KIRREL3: variants seen among roughly 807,000 people sequenced by gnomAD.
KIRREL3 encodes kirre like nephrin family adhesion molecule 3, also known as kin of IRRE-like protein 3.
KIRREL3 carries 36 observed loss-of-function variants against 89.7 expected under a neutral mutation model. The observed-to-expected ratio is 0.40, with a 90% confidence interval of 0.31 to 0.53. The LOEUF (loss-of-function observed/expected upper bound fraction) is 0.53. KIRREL3 is among the 20% of genes least tolerant of loss of function. The pLI is 0.49. For synonymous variants in KIRREL3, 445 were observed against 441.4 expected (o/e 1.01, Z -0.10); for missense variants, 864 against 1,056.6 (o/e 0.82, Z 2.53).
chr11:126,619,051 A>G (rs1345036242), intron 1 of KIRREL3, among the ~76,000 whole-genome samples: 1 of 152,240 alleles, frequency 6.6e-6, no homozygotes, highest in Admixed American at 6.5e-5. Flanking sequence ...AGTAAATAAC[A>G]AAGAGTTTCA....
At chr11:126,629,563 T>G (rs1422058774) in intron 1 of KIRREL3, among the ~76,000 whole-genome samples, 1 of 152,194 alleles carries the variant, frequency 6.6e-6, no homozygotes, top group Non-Finnish European at 1.5e-5. Context: ...TTCCACGTGC[T>G]CCTCCAGATC....
intron 7 of KIRREL3, among the ~76,000 whole-genome samples, chr11:126,453,219 C>T (rs937859227): frequency 6.6e-6 from 1 of 152,098 alleles, no homozygotes; most frequent in African/African-American, 2.4e-5. Context: ...GTCACAGCCG[C>T]CAGGTTGTCC....
rs1386312777 is a variant in KIRREL3 at position 126,576,464 on chromosome 11, C to T, written c.56-13552G>A. Among the ~76,000 whole-genome samples, 1 of 152,150 alleles carries T rather than the reference C, an allele frequency of 6.6e-6. No homozygotes were observed. Among genetic ancestry groups the T allele is most frequent in the Non-Finnish European group, 1.5e-5 (1 of 68,008 alleles). On this transcript the variant is annotated intron_variant, in intron 1 of 16. Coordinates refer to ENST00000525144, the MANE Select transcript of KIRREL3 (RefSeq NM_032531.4). This position sits in a 1 kb window ranked among gnomAD's most constrained non-coding sequence, Gnocchi z 5.4. Reference sequence around the variant, plus strand: ...AAGACAGAGAAGAATTTTTGCCTTCCCAAGCTTCCATTTTAGACAGCTTCT... The same window carrying T: ...AAGACAGAGAAGAATTTTTGCCTTCTCAAGCTTCCATTTTAGACAGCTTCT...
At chr11:126,572,817 A>G (rs531269428) in intron 1 of KIRREL3, among the ~76,000 whole-genome samples, 3 of 152,256 alleles carry the variant, frequency 2.0e-5, no homozygotes, top group Non-Finnish European at 1.5e-5. Flanking sequence ...TCACCTATTT[A>G]TGGCCCACAT....
intron 1 of KIRREL3, among the ~76,000 whole-genome samples, chr11:126,874,046 A>T (rs1347586594): frequency 1.3e-5 from 2 of 152,172 alleles, no homozygotes; most frequent in African/African-American, 4.8e-5. Context: ...TCCTGTGCAG[A>T]TCTGATGTAC....
chr11:126,526,366 A>G lies in KIRREL3; in HGVS notation c.283+172T>C, dbSNP rs1246915191. 2.0e-5 allele frequency among the ~76,000 whole-genome samples: 3 copies of G among 152,212 alleles called. No individual in the cohort carries two copies. Among genetic ancestry groups the G allele is most frequent in the African/African-American group, 7.2e-5 (3 of 41,446 alleles). On this transcript the variant is annotated intron_variant, in intron 3 of 16. Transcript: ENST00000525144. The surrounding 1 kb of genome is among the most constrained non-coding windows in gnomAD (Gnocchi z 5.7). ...TGCACATCAGGGGCCCTCAGAGTCT[A>G]GGGATGCTGGGTGCAGTGCTTGCCT...
intron 1 of KIRREL3, among the ~76,000 whole-genome samples, chr11:126,644,114 A>T (rs995564112): frequency 1.3e-5 from 2 of 152,148 alleles, no homozygotes; most frequent in South Asian, 2.1e-4. Context: ...GTGGGAAAGG[A>T]TGTCATTGAA....
chr11:126,522,881 C>G lies in KIRREL3; in HGVS notation c.284-1417G>C, dbSNP rs1030844807. Among the ~76,000 whole-genome samples the G allele has an allele frequency of 6.6e-6, 1 of 152,226 alleles. No homozygotes were observed. The highest frequency in any genetic ancestry group is 1.5e-5 in the Non-Finnish European group (1 of 68,038). On this transcript the variant is annotated intron_variant, in intron 3 of 16. Transcript: ENST00000525144. The surrounding 1 kb of genome is among the most constrained non-coding windows in gnomAD (Gnocchi z 6.0). ...CAGGCTGCTCCTCCTTTTGAAGGAC[C>G]CTCACCACACAGGGAGTGTTCTCAG...
At chr11:126,945,432 C>T (rs557017333) in intron 1 of KIRREL3, among the ~76,000 whole-genome samples, 14 of 152,300 alleles carry the variant, frequency 9.2e-5, no homozygotes, top group African/African-American at 3.1e-4. Flanking sequence ...AAAGAGAAAT[C>T]ATTCTCTCCC....
rs1352430270 is a variant in KIRREL3, at chr11:126,976,022, C to T, written c.55+24433G>A. On this transcript the variant is annotated intron_variant, in intron 1 of 16. Transcript: ENST00000525144. The surrounding 1 kb of genome is among the most constrained non-coding windows in gnomAD (Gnocchi z 4.2). The stretch of plus-strand genomic sequence containing the variant: ...AATGGCTAAGGTGTGGCTCTCAGGA[C>T]AGAGCATACCCATTCCAGATGTGGG... Among the ~76,000 whole-genome samples, 1 of 150,838 alleles carries T rather than the reference C, an allele frequency of 6.6e-6. No homozygotes were observed. Among genetic ancestry groups the T allele is most frequent in the African/African-American group, 2.4e-5 (1 of 40,858 alleles).
Position 126,622,519 on chromosome 11 carries a change from T to C in KIRREL3, c.56-59607A>G, listed in dbSNP as rs182027906. Reference sequence around the variant, plus strand: ...TCTTATCAGGGCCCCAGCAAATAACTCAGCACCTTCATTACAAAAGTTAGC... The same window carrying C: ...TCTTATCAGGGCCCCAGCAAATAACCCAGCACCTTCATTACAAAAGTTAGC... On this transcript the variant is annotated intron_variant, in intron 1 of 16. Transcript: ENST00000525144. This position sits in a 1 kb window ranked among gnomAD's most constrained non-coding sequence, Gnocchi z 5.2. Among the ~76,000 whole-genome samples the C allele has an allele frequency of 4.0e-4, 61 of 152,194 alleles. No individual in the cohort carries two copies. In the East Asian group the frequency reaches 0.011, roughly 27 times the overall value.
chr11:126,552,550 G>GTT (rs59392843), intron 2 of KIRREL3, among the ~76,000 whole-genome samples: 5,691 of 81,340 alleles, frequency 0.07, 1,245 homozygotes, highest in Non-Finnish European at 0.091. Flanking sequence ...AGAGAGAAAA[G>GTT]TTTTTTTTTT....
intron 1 of KIRREL3, among the ~76,000 whole-genome samples, chr11:126,854,419 A>G (rs982264734): frequency 1.1e-4 from 16 of 152,082 alleles, no homozygotes; most frequent in African/African-American, 2.7e-4. Flanking sequence ...ACCACCTTCT[A>G]CTTTGTCTCT....
intron 1 of KIRREL3, among the ~76,000 whole-genome samples, chr11:126,581,350 C>T (rs1418309896): frequency 6.6e-6 from 1 of 151,944 alleles, no homozygotes; most frequent in East Asian, 1.9e-4. Flanking sequence ...TTACAGGCAC[C>T]CGCCATCATG....
intron 1 of KIRREL3, among the ~76,000 whole-genome samples, chr11:126,822,730 G>A (rs1416388573): frequency 6.6e-6 from 1 of 152,142 alleles, no homozygotes; most frequent in Non-Finnish European, 1.5e-5. Flanking sequence ...TGAGCAGGAG[G>A]GAGGATGAGG....
Position 126,999,758 on chromosome 11 carries a change from CACCTGCTTCTCTG to C in KIRREL3, c.55+684_55+696del, listed in dbSNP as rs1380254342. ...GTGGCAAAGTTCTTTCCGGAGAGTC[CACCTGCTTCTCTG>C]CCCCTGCTAGGCTGCAGAAAGGAAA... On this transcript the variant is annotated intron_variant, in intron 1 of 16. Transcript: ENST00000525144. The surrounding 1 kb of genome is among the most constrained non-coding windows in gnomAD (Gnocchi z 5.7). Among the ~76,000 whole-genome samples the C allele has an allele frequency of 2.6e-5, 4 of 152,294 alleles. No homozygotes were observed. Among genetic ancestry groups the C allele is most frequent in the South Asian group, 2.1e-4 (1 of 4,816 alleles).
rs1948745056 is a variant in KIRREL3, at chr11:126,734,730, GT to G, written c.56-171819del. 6.6e-6 allele frequency among the ~76,000 whole-genome samples: 1 copy of G among 152,210 alleles called. No individual in the cohort carries two copies. Among genetic ancestry groups the G allele is most frequent in the African/African-American group, 2.4e-5 (1 of 41,456 alleles). The stretch of plus-strand genomic sequence containing the variant: ...TACAGAAAGTGATAAAGGAGACTGT[GT>G]GATATGGTCAGTAACAGAGTGTGTC... On this transcript the variant is annotated intron_variant, in intron 1 of 16. Coordinates refer to ENST00000525144, the MANE Select transcript of KIRREL3 (RefSeq NM_032531.4). This position sits in a 1 kb window ranked among gnomAD's most constrained non-coding sequence, Gnocchi z 5.9.
At chr11:126,749,257 G>A (rs1949255075) in intron 1 of KIRREL3, among the ~76,000 whole-genome samples, 1 of 152,132 alleles carries the variant, frequency 6.6e-6, no homozygotes, top group Non-Finnish European at 1.5e-5. Context: ...CCGCTGAGCC[G>A]GATCCTTTCT....
chr11:126,505,939 A>G (rs1212005950), intron 4 of KIRREL3, among the ~76,000 whole-genome samples: 1 of 152,234 alleles, frequency 6.6e-6, no homozygotes, highest in Non-Finnish European at 1.5e-5. Context: ...TTTTTTGCAG[A>G]TGTTGACAGA....
Sources: gnomAD v4.1 joint callset for allele counts (sites outside exome capture counted in the v4.1 genomes callset) on GRCh38, gnomAD v4.1.1 for gene constraint, Gnocchi (gnomAD v3.1) non-coding constraint, MANE v1.5 for transcripts, NCBI Gene and HGNC (gene_info 2026-07-23, HGNC 2026-07-21) for gene names.